Variants in CA10 observed in about 807,000 individuals in gnomAD.
The protein encoded by CA10 is carbonic anhydrase 10 (inactive).
A neutral mutation model predicts 44.2 loss-of-function variants in CA10; 14 were observed. That is an observed-to-expected ratio of 0.32 (90% confidence interval 0.21 to 0.50). The LOEUF is 0.50. Among genes scored for constraint, CA10 ranks in the 20% least tolerant of loss-of-function variants. The pLI is 0.99. For missense variants in CA10, 350 were observed against 409.7 expected, an observed-to-expected ratio of 0.85 and a Z score of 1.26; for synonymous variants, 159 against 141.6, an observed-to-expected ratio of 1.12 and a Z score of -0.87.
At chr17:52,026,126 A>G (rs1986293534) in intron 2 of CA10, among the ~76,000 whole-genome samples, 1 of 152,150 alleles carries the variant, frequency 6.6e-6, no homozygotes, top group South Asian at 2.1e-4. Context: ...TCCCATTCAT[A>G]AGTAAACTTG....
intron 4 of CA10, among the ~76,000 whole-genome samples, chr17:51,682,405 C>T (rs1022074466): frequency 6.6e-6 from 1 of 152,108 alleles, no homozygotes; most frequent in Non-Finnish European, 1.5e-5. Flanking sequence ...GTTTGGTTGA[C>T]AAGACTGATT....
At chr17:52,003,872 T>A (rs1267526081) in intron 2 of CA10, among the ~76,000 whole-genome samples, 1 of 151,922 alleles carries the variant, frequency 6.6e-6, no homozygotes, top group Non-Finnish European at 1.5e-5. Flanking sequence ...GCAAAAAAGC[T>A]TATTTCTAAG....
intron 3 of CA10, among the ~76,000 whole-genome samples, chr17:51,754,285 AGT>A (rs60269292): frequency 0.073 from 10,207 of 140,684 alleles, 574 homozygotes; most frequent in East Asian, 0.19. Flanking sequence ...GAAACAGAAT[AGT>A]GTGTGTGTGT....
intron 2 of CA10, among the ~76,000 whole-genome samples, chr17:51,974,123 C>T (rs543356811): frequency 6.6e-5 from 10 of 152,158 alleles, no homozygotes; most frequent in East Asian, 1.9e-4. Context: ...CGGTGGCTCA[C>T]GCCTGTAATC....
intron 2 of CA10, among the ~76,000 whole-genome samples, chr17:51,979,302 C>A (rs1050575650): frequency 3.9e-5 from 6 of 152,018 alleles, no homozygotes; most frequent in African/African-American, 1.4e-4. Flanking sequence ...GAACAAATAT[C>A]TTAGTAATAC....
At chr17:51,821,978 C>T (rs1022670252) in intron 3 of CA10, among the ~76,000 whole-genome samples, 1 of 152,182 alleles carries the variant, frequency 6.6e-6, no homozygotes, top group African/African-American at 2.4e-5. Flanking sequence ...CATCAGCCTC[C>T]TTGCTTGGCC....
chr17:51,870,669 G>A (rs1023248115), intron 3 of CA10, among the ~76,000 whole-genome samples: 1 of 152,176 alleles, frequency 6.6e-6, no homozygotes, highest in Non-Finnish European at 1.5e-5. Flanking sequence ...AAGTGATTAA[G>A]GTGTTTGCTT....
intron 3 of CA10, among the ~76,000 whole-genome samples, chr17:51,776,232 A>G (rs1303002958): frequency 6.6e-6 from 1 of 152,114 alleles, no homozygotes; most frequent in Non-Finnish European, 1.5e-5. Context: ...ATAGTGGTGC[A>G]TGAGCCTGAC....
intron 4 of CA10, among the ~76,000 whole-genome samples, chr17:51,658,702 A>T (rs1382941839): frequency 6.6e-6 from 1 of 152,172 alleles, no homozygotes; most frequent in Non-Finnish European, 1.5e-5. Context: ...CAAACACAAT[A>T]GGAAGTCACA....
At chr17:52,080,390 T>C (rs991670123) in intron 1 of CA10, among the ~76,000 whole-genome samples, 2 of 151,524 alleles carry the variant, frequency 1.3e-5, no homozygotes, top group African/African-American at 2.4e-5. Context: ...AGGCGGAGCT[T>C]GCAGTGAGCC....
At chr17:51,859,276 C>G (rs547248492) in intron 3 of CA10, among the ~76,000 whole-genome samples, 2 of 152,062 alleles carry the variant, frequency 1.3e-5, no homozygotes, top group Non-Finnish European at 2.9e-5. Context: ...CAAAACTCTA[C>G]CTTGTGCCTC....
intron 4 of CA10, among the ~76,000 whole-genome samples, chr17:51,681,081 G>GCA (rs1914830919): frequency 6.6e-6 from 1 of 152,198 alleles, no homozygotes; most frequent in South Asian, 2.1e-4. Flanking sequence ...GCCTTAATCT[G>GCA]CACAGTGGTT....
chr17:51,635,154 G>A (rs768512401), intron 7 of CA10, among the ~76,000 whole-genome samples: 2 of 152,144 alleles, frequency 1.3e-5, no homozygotes, highest in Non-Finnish European at 2.9e-5. Flanking sequence ...GAATACAGAA[G>A]GTGCCTTTAT....
intron 3 of CA10, among the ~76,000 whole-genome samples, chr17:51,912,086 C>T (rs1343604427): frequency 6.6e-6 from 1 of 152,140 alleles, no homozygotes; most frequent in Admixed American, 6.6e-5. Flanking sequence ...ACCTATTTCA[C>T]CATGTTATAT....
intron 3 of CA10, among the ~76,000 whole-genome samples, chr17:51,749,120 T>G (rs1904805945): frequency 6.6e-6 from 1 of 152,226 alleles, no homozygotes; most frequent in African/African-American, 2.4e-5. Context: ...GTGCAGCGAC[T>G]GCATGGAGCT....
intron 2 of CA10, among the ~76,000 whole-genome samples, chr17:52,049,316 A>C (rs1986995413): frequency 6.6e-6 from 1 of 152,124 alleles, no homozygotes; most frequent in Non-Finnish European, 1.5e-5. Flanking sequence ...CTTACTAGCT[A>C]TGCGGCCTTG....
intron 2 of CA10, among the ~76,000 whole-genome samples, chr17:51,964,043 T>C (rs1239049793): frequency 6.6e-6 from 1 of 151,920 alleles, no homozygotes; most frequent in African/African-American, 2.4e-5. Context: ...AACACACTCA[T>C]AGGTTAAAGT....
intron 6 of CA10, among the ~76,000 whole-genome samples, chr17:51,644,867 C>T (rs1179594247): frequency 2.8e-5 from 4 of 144,436 alleles, no homozygotes; most frequent in Admixed American, 2.2e-4. Context: ...GGTACGATCT[C>T]AGCTCACTGC....
At chr17:51,760,317 A>T (rs2143635382) in intron 3 of CA10, among the ~76,000 whole-genome samples, 1 of 152,342 alleles carries the variant, frequency 6.6e-6, no homozygotes, top group South Asian at 2.1e-4. Context: ...AGTATGTAAC[A>T]TTTATTTCCC....
Sources: allele counts gnomAD v4.1 joint callset (sites outside exome capture counted in the v4.1 genomes callset), GRCh38; gene constraint gnomAD v4.1.1; transcripts MANE v1.5; gene names NCBI Gene and HGNC (gene_info 2026-07-23, HGNC 2026-07-21).